LHFPL3: variants seen among roughly 807,000 people sequenced by gnomAD.
LHFPL3 encodes LHFPL tetraspan subfamily member 3 protein.
LHFPL3 carries 5 observed loss-of-function variants against 19.3 expected under a neutral mutation model. The ratio of observed to expected loss-of-function variants is 0.26; its 90% CI spans 0.14 to 0.54. LHFPL3 has a LOEUF of 0.54. Ranked by LOEUF, LHFPL3 falls within the 20% of genes least tolerant of loss-of-function variation. The pLI, the probability that LHFPL3 is intolerant of heterozygous loss-of-function variation, is 0.94. For missense variants in LHFPL3, 249 were observed against 307.4 expected (o/e 0.81, Z 1.42); for synonymous variants, 133 against 126.2 (o/e 1.05, Z -0.36).
chr7:104,396,808 C>T (rs1791197544), intron 1 of LHFPL3, among the ~76,000 whole-genome samples: 1 of 151,902 alleles, frequency 6.6e-6, no homozygotes, highest in African/African-American at 2.4e-5. Context: ...AACACACACA[C>T]ACACACACAA....
chr7:104,545,914 A>C (rs556400160), intron 1 of LHFPL3, among the ~76,000 whole-genome samples: 44 of 152,342 alleles, frequency 2.9e-4, no homozygotes, highest in African/African-American at 1.1e-3. Context: ...CTCTTCTGCA[A>C]GGTATAGAGA....
At chr7:104,474,687 C>CAAAAAAAA (rs928431129) in intron 1 of LHFPL3, among the ~76,000 whole-genome samples, 8 of 41,016 alleles carry the variant, frequency 2.0e-4, no homozygotes, top group Admixed American at 6.3e-4. Flanking sequence ...ACAACAACAA[C>CAAAAAAAA]AAAAAAAAAA....
chr7:104,567,275 A>G (rs1305552959), intron 1 of LHFPL3, among the ~76,000 whole-genome samples: 1 of 152,188 alleles, frequency 6.6e-6, no homozygotes, highest in Non-Finnish European at 1.5e-5. Context: ...CACATGTGCC[A>G]TGGGGCAGTG....
intron 1 of LHFPL3, among the ~76,000 whole-genome samples, chr7:104,493,254 C>G (rs1331855245): frequency 6.6e-6 from 1 of 152,078 alleles, no homozygotes; most frequent in African/African-American, 2.4e-5. Flanking sequence ...ACAGTGCTTT[C>G]CTAGTTCTTC....
intron 1 of LHFPL3, among the ~76,000 whole-genome samples, chr7:104,504,767 A>C (rs1342908208): frequency 1.3e-5 from 2 of 152,190 alleles, no homozygotes; most frequent in Non-Finnish European, 2.9e-5. Flanking sequence ...ATACCATTAA[A>C]ACCAGAATTC....
At chr7:104,508,614 A>AG (rs1430512393) in intron 1 of LHFPL3, among the ~76,000 whole-genome samples, 1 of 121,118 alleles carries the variant, frequency 8.3e-6, no homozygotes, top group Non-Finnish European at 1.9e-5. Flanking sequence ...TATAATAAAA[A>AG]AAAATATATA....
intron 1 of LHFPL3, among the ~76,000 whole-genome samples, chr7:104,529,274 A>G (rs1395605524): frequency 6.6e-6 from 1 of 152,102 alleles, no homozygotes; most frequent in African/African-American, 2.4e-5. Flanking sequence ...AAAACAACAG[A>G]CACCTCAAAC....
chr7:104,493,185 T>C (rs1793391100), intron 1 of LHFPL3, among the ~76,000 whole-genome samples: 2 of 152,164 alleles, frequency 1.3e-5, no homozygotes, highest in Non-Finnish European at 2.9e-5. Context: ...TTGGTATTTA[T>C]CTTCCTCACT....
intron 2 of LHFPL3, among the ~76,000 whole-genome samples, chr7:104,864,437 C>T (rs535759598): frequency 5.3e-5 from 8 of 152,316 alleles, no homozygotes; most frequent in Admixed American, 2.0e-4. Flanking sequence ...ACTTTTCCAG[C>T]GGTCTTAGCA....
chr7:104,850,172 C>T (rs936913232), intron 2 of LHFPL3, among the ~76,000 whole-genome samples: 2 of 152,120 alleles, frequency 1.3e-5, no homozygotes, highest in Non-Finnish European at 2.9e-5. Flanking sequence ...CGTGGTGGCA[C>T]ATGCCTGTAA....
At chr7:104,342,690 C>G (rs577180172) in intron 1 of LHFPL3, among the ~76,000 whole-genome samples, 1 of 152,282 alleles carries the variant, frequency 6.6e-6, no homozygotes, top group South Asian at 2.1e-4. Context: ...TAAATCAATA[C>G]TTTTTCCGTC....
At chr7:104,384,787 C>CAAAAA (rs771136918) in intron 1 of LHFPL3, among the ~76,000 whole-genome samples, 2 of 74,566 alleles carry the variant, frequency 2.7e-5, no homozygotes, top group South Asian at 5.1e-4. Flanking sequence ...AACTCTATTT[C>CAAAAA]AAAAAAAAAA....
intron 1 of LHFPL3, among the ~76,000 whole-genome samples, chr7:104,331,233 G>C (rs1801561779): frequency 6.6e-6 from 1 of 152,186 alleles, no homozygotes; most frequent in African/African-American, 2.4e-5. Flanking sequence ...TCCTGGAGCA[G>C]TGAAATATAA....
At chr7:104,439,663 A>G (rs891974671) in intron 1 of LHFPL3, among the ~76,000 whole-genome samples, 5 of 152,296 alleles carry the variant, frequency 3.3e-5, no homozygotes, top group African/African-American at 7.2e-5. Context: ...AAAAAAATGT[A>G]TCAGTAAACT....
intron 1 of LHFPL3, among the ~76,000 whole-genome samples, chr7:104,623,248 A>G (rs1361407922): frequency 6.6e-6 from 1 of 151,600 alleles, no homozygotes; most frequent in East Asian, 1.9e-4. Flanking sequence ...TGCAATCTTG[A>G]TATTCCTCTT....
At chr7:104,382,644 C>T (rs1790850702) in intron 1 of LHFPL3, among the ~76,000 whole-genome samples, 1 of 152,194 alleles carries the variant, frequency 6.6e-6, no homozygotes, top group African/African-American at 2.4e-5. Context: ...TGACCTAGAT[C>T]TTTACAGACT....
At chr7:104,690,604 T>A (rs540820262) in intron 1 of LHFPL3, among the ~76,000 whole-genome samples, 1 of 152,234 alleles carries the variant, frequency 6.6e-6, no homozygotes, top group Admixed American at 6.5e-5. Context: ...AATTCAGGGA[T>A]CTTCTACCTC....
At chr7:104,713,956 G>T (rs1212106092) in intron 1 of LHFPL3, among the ~76,000 whole-genome samples, 1 of 152,136 alleles carries the variant, frequency 6.6e-6, no homozygotes, top group Non-Finnish European at 1.5e-5. Flanking sequence ...TAGCCTCCAT[G>T]TTCAAAGCAA....
At chr7:104,512,280 T>TG (rs1793832906) in intron 1 of LHFPL3, among the ~76,000 whole-genome samples, 3 of 152,032 alleles carry the variant, frequency 2.0e-5, no homozygotes, top group Non-Finnish European at 4.4e-5. Flanking sequence ...TTATAGAGTA[T>TG]TTTAAACAAG....
Sources: allele counts gnomAD v4.1 joint callset (sites outside exome capture counted in the v4.1 genomes callset), GRCh38; gene constraint gnomAD v4.1.1; transcripts MANE v1.5; gene names NCBI Gene and HGNC (gene_info 2026-07-23, HGNC 2026-07-21).